Variants in ANK1 observed in about 807,000 individuals in gnomAD.
ANK1 encodes ankyrin 1.
Under a neutral mutation model 210.4 loss-of-function variants are expected in ANK1, and 51 were observed. The ratio of observed to expected loss-of-function variants is 0.24; its 90% CI spans 0.19 to 0.31. ANK1 has a LOEUF of 0.31. Ranked by LOEUF, ANK1 falls within the 10% of genes least tolerant of loss-of-function variation. The pLI is 1.00. For missense variants in ANK1, 2,051 were observed against 2,504.4 expected (o/e 0.82, Z 3.86); for synonymous variants, 967 against 1,025.9 (o/e 0.94, Z 1.10).
intron 1 of ANK1, among the ~76,000 whole-genome samples, chr8:41,803,058 A>G (rs1850287618): frequency 4.8e-5 from 3 of 63,110 alleles, no homozygotes; most frequent in African/African-American, 2.3e-4. Context: ...AAAGAAAGAG[A>G]GAAAGGAAGG....
At chr8:41,745,190 G>C (rs1033230722) in intron 2 of ANK1, among the ~76,000 whole-genome samples, 4 of 152,180 alleles carry the variant, frequency 2.6e-5, no homozygotes, top group Admixed American at 2.0e-4. Context: ...GTGAAGGAAG[G>C]AGGCACAGAG....
intron 1 of ANK1, among the ~76,000 whole-genome samples, chr8:41,887,242 CTTTTTTTTTTTTT>C (rs35112522): frequency 3.7e-5 from 3 of 80,712 alleles, no homozygotes; most frequent in South Asian, 5.0e-4. Flanking sequence ...CTTTCCTTTC[CTTTTTTTTTTTTT>C]TTTTTTTTTT....
intron 1 of ANK1, among the ~76,000 whole-genome samples, chr8:41,848,024 A>G (rs1810397363): frequency 6.6e-6 from 1 of 151,942 alleles, no homozygotes; most frequent in Non-Finnish European, 1.5e-5. Context: ...GTTTCTACTC[A>G]AAATACAAAA....
intron 2 of ANK1, among the ~76,000 whole-genome samples, chr8:41,737,823 C>T (rs1041985675): frequency 3.3e-5 from 5 of 152,056 alleles, no homozygotes; most frequent in Admixed American, 6.6e-5. Context: ...CACATGGGGA[C>T]GGGGCTGAGG....
chr8:41,891,282 TG>T (rs1432117410), intron 1 of ANK1, among the ~76,000 whole-genome samples: 2 of 141,532 alleles, frequency 1.4e-5, no homozygotes, highest in Admixed American at 1.4e-4. Context: ...CAGATGAGTT[TG>T]TTTTTTTTTT....
intron 1 of ANK1, among the ~76,000 whole-genome samples, chr8:41,778,037 A>AAAG (rs1407403374): frequency 3.3e-5 from 5 of 152,204 alleles, no homozygotes; most frequent in Admixed American, 3.3e-4. Flanking sequence ...TCACAGAGAT[A>AAAG]AAGTCTCAAT....
At chr8:41,872,258 C>T (rs1352582299) in intron 1 of ANK1, among the ~76,000 whole-genome samples, 2 of 152,220 alleles carry the variant, frequency 1.3e-5, no homozygotes, top group Admixed American at 6.5e-5. Flanking sequence ...GCAGCGTCCC[C>T]ACAGGTAAGG....
At chr8:41,687,057 C>T (rs1052256127) in intron 35 of ANK1, among the ~76,000 whole-genome samples, 6 of 152,182 alleles carry the variant, frequency 3.9e-5, no homozygotes, top group Admixed American at 2.0e-4. Flanking sequence ...AAGAAGGAGC[C>T]GTGACTGAAC....
intron 1 of ANK1, among the ~76,000 whole-genome samples, chr8:41,791,343 T>C (rs1586971272): frequency 6.6e-6 from 1 of 151,220 alleles, no homozygotes; most frequent in African/African-American, 2.4e-5. Context: ...GGCTAATTTT[T>C]GTATTTTTAG....
At chr8:41,850,688 C>T (rs953116757) in intron 1 of ANK1, among the ~76,000 whole-genome samples, 3 of 152,200 alleles carry the variant, frequency 2.0e-5, no homozygotes, top group Non-Finnish European at 4.4e-5. Context: ...CACTATGTTG[C>T]CCAGGCTGGT....
At chr8:41,855,751 C>G (rs530872599) in intron 1 of ANK1, among the ~76,000 whole-genome samples, 4 of 152,132 alleles carry the variant, frequency 2.6e-5, no homozygotes, top group Non-Finnish European at 5.9e-5. Flanking sequence ...CTCCTTTCCC[C>G]GGCATCAGCA....
chr8:41,766,981 G>T (rs537241805), intron 1 of ANK1, among the ~76,000 whole-genome samples: 26 of 152,242 alleles, frequency 1.7e-4, no homozygotes, highest in Non-Finnish European at 2.9e-5. Flanking sequence ...CTGGGGTGAG[G>T]GGACTTGGCC....
At chr8:41,843,109 A>G (rs1174056258) in intron 1 of ANK1, among the ~76,000 whole-genome samples, 4 of 152,156 alleles carry the variant, frequency 2.6e-5, no homozygotes, top group South Asian at 2.1e-4. Flanking sequence ...CGGCTTCCCA[A>G]AGTGCTGGGA....
Position 41,709,117 on chromosome 8 carries a change from T to TGAAC in ANK1, c.1801-143_1801-142insGTTC. ...TGGCATCACCCAGGAGCAATTTAGGTAAACAAACAAACAAACAAAATCCAT... is the reference window on the plus strand; with the variant it reads ...TGGCATCACCCAGGAGCAATTTAGGTGAACAAACAAACAAACAAACAAAATCCAT... On this transcript the variant is annotated intron_variant, in intron 16 of 42. Coordinates refer to ENST00000289734, the MANE Select transcript of ANK1 (RefSeq NM_000037.4). 9.7e-6 allele frequency: 6 copies of TGAAC among 616,630 alleles called. No homozygotes were observed. In the South Asian group the frequency reaches 1.1e-4, roughly 12 times the overall value. 38.2% of individuals were successfully genotyped at this position (616,630 alleles called of 1,614,324 possible). A position where few individuals can be genotyped will look rare whatever the true frequency, so the allele number is the denominator to read the frequency against.
intron 27 of ANK1, 128 bp downstream of exon 27, chr8:41,695,049 C>T (rs1820453999): frequency 4.5e-6 from 6 of 1,337,344 alleles, no homozygotes; most frequent in African/African-American, 1.4e-5. Context: ...GGCTTGTCCA[C>T]ACCAGGCCAT....
In ANK1 at chr8:41,797,482, C is replaced by T. The variant is rs376868740; in HGVS notation, c.27+30G>A. On this transcript the variant is annotated intron_variant, in intron 1 of 42. Coordinates refer to ENST00000289734, the MANE Select transcript of ANK1 (RefSeq NM_000037.4). This position sits in a 1 kb window ranked among gnomAD's most constrained non-coding sequence, Gnocchi z 4.0. ...GGGTGGCCCCCTCCTGACATCTCCC[C>T]GTCCACCCGAGCAGCCGCCCAGTAC... 3.1e-6 allele frequency: 5 copies of T among 1,604,856 alleles called. No individual in the cohort carries two copies. The highest frequency in any genetic ancestry group is 1.7e-5 in the Admixed American group (1 of 59,908).
intron 1 of ANK1, among the ~76,000 whole-genome samples, chr8:41,818,452 C>A (rs1369247233): frequency 1.3e-5 from 2 of 152,140 alleles, no homozygotes; most frequent in Non-Finnish European, 2.9e-5. Flanking sequence ...ATTATGTCTT[C>A]TTTTCAGTTG....
upstream of ANK1, among the ~76,000 whole-genome samples, chr8:41,798,044 T>C (rs1359888382): frequency 1.3e-5 from 2 of 151,996 alleles, no homozygotes; most frequent in Non-Finnish European, 2.9e-5. Context: ...GTTTTTGTTT[T>C]GTTTTGTTTT....
At chr8:41,765,563 T>C (rs1236627622) in intron 1 of ANK1, among the ~76,000 whole-genome samples, 5 of 152,128 alleles carry the variant, frequency 3.3e-5, no homozygotes, top group Non-Finnish European at 5.9e-5. Context: ...TTTCTAGTGC[T>C]CATAAGGGTC....
Sources: gnomAD v4.1 joint callset for allele counts (sites outside exome capture counted in the v4.1 genomes callset) on GRCh38, gnomAD v4.1.1 for gene constraint, Gnocchi (gnomAD v3.1) non-coding constraint, MANE v1.5 for transcripts, NCBI Gene and HGNC (gene_info 2026-07-23, HGNC 2026-07-21) for gene names.